Variants in MAML2 observed in about 807,000 individuals in gnomAD.
The protein encoded by MAML2 is mastermind-like protein 2.
A neutral mutation model predicts 96.1 loss-of-function variants in MAML2; 22 were observed. That is an observed-to-expected ratio of 0.23 (90% CI 0.16 to 0.33). MAML2 has a LOEUF of 0.33. Among genes scored for constraint, MAML2 ranks in the 10% least tolerant of loss-of-function variants. MAML2 has a pLI of 1.00. For missense variants in MAML2, 1,367 were observed against 1,392.4 expected, an observed-to-expected ratio of 0.98 and a Z score of 0.29; for synonymous variants, 561 against 521.3, an observed-to-expected ratio of 1.08 and a Z score of -1.04.
intron 1 of MAML2, among the ~76,000 whole-genome samples, chr11:96,162,215 C>A (rs1163065751): frequency 8.3e-6 from 1 of 120,864 alleles, no homozygotes; most frequent in Non-Finnish European, 1.7e-5. Flanking sequence ...ATGAACATAT[C>A]CAGTTCTTTA....
intron 2 of MAML2, among the ~76,000 whole-genome samples, chr11:96,056,825 T>G (rs569582070): frequency 6.6e-6 from 1 of 152,292 alleles, no homozygotes; most frequent in Non-Finnish European, 1.5e-5. Context: ...AAGCCCTACG[T>G]GTGGGAGGCA....
chr11:96,191,610 A>C (rs1861654487), intron 1 of MAML2, among the ~76,000 whole-genome samples: 1 of 151,944 alleles, frequency 6.6e-6, no homozygotes, highest in South Asian at 2.1e-4. Context: ...TCGTCTACTA[A>C]AAATATAAAA....
intron 1 of MAML2, among the ~76,000 whole-genome samples, chr11:96,135,308 A>G (rs1280276863): frequency 6.6e-6 from 1 of 152,198 alleles, no homozygotes; most frequent in East Asian, 1.9e-4. Flanking sequence ...CAAAACTGTG[A>G]GAAATAAATC....
At chr11:96,181,183 G>A (rs1392633974) in intron 1 of MAML2, among the ~76,000 whole-genome samples, 2 of 152,192 alleles carry the variant, frequency 1.3e-5, no homozygotes, top group African/African-American at 2.4e-5. Flanking sequence ...AGTCACAGGG[G>A]ATGTGATGGC....
chr11:96,159,622 C>T (rs1407828649), intron 1 of MAML2, among the ~76,000 whole-genome samples: 2 of 151,960 alleles, frequency 1.3e-5, no homozygotes, highest in East Asian at 3.9e-4. Context: ...GACGGCGTTT[C>T]ACCGTGTTAG....
intron 1 of MAML2, among the ~76,000 whole-genome samples, chr11:96,135,267 A>T (rs1860610296): frequency 6.6e-6 from 1 of 152,192 alleles, no homozygotes. Context: ...GGCACCTTAC[A>T]AGATGCCAGC....
chr11:96,256,389 A>G (rs548530784), intron 1 of MAML2, among the ~76,000 whole-genome samples: 2 of 152,218 alleles, frequency 1.3e-5, no homozygotes, highest in East Asian at 3.9e-4. Flanking sequence ...CTGATCTCGA[A>G]GTTCCTCAAA....
At chr11:96,327,609 G>A (rs1188354190) in intron 1 of MAML2, among the ~76,000 whole-genome samples, 1 of 151,204 alleles carries the variant, frequency 6.6e-6, no homozygotes, top group East Asian at 2.0e-4. Flanking sequence ...GTAGAGACGG[G>A]GTTTCACCAT....
At chr11:96,066,323 A>G (rs1232301968) in intron 2 of MAML2, among the ~76,000 whole-genome samples, 4 of 152,230 alleles carry the variant, frequency 2.6e-5, no homozygotes, top group South Asian at 2.1e-4. Flanking sequence ...CTGAGGGCAC[A>G]AGGCAGAGCC....
At chr11:96,171,006 G>A (rs572105711) in intron 1 of MAML2, among the ~76,000 whole-genome samples, 59 of 151,996 alleles carry the variant, frequency 3.9e-4, no homozygotes, top group African/African-American at 1.3e-3. Context: ...GTGAGCCAAC[G>A]TGCCTGGCCT....
chr11:96,115,391 G>C lies in MAML2; in HGVS notation c.514-21874C>G, dbSNP rs968294459. ...TTTGTAGGTTGCCCAGGCTGGTCGT[G>C]AACTCTTGGTCTCAAGCAAATCTCT... On this transcript the variant is annotated intron_variant, in intron 1 of 4. Transcript: ENST00000524717. Among the ~76,000 whole-genome samples the C allele has an allele frequency of 7.9e-5, 12 of 151,606 alleles. No homozygotes were observed. The South Asian group carries it at 1.0e-3, about 13-fold the overall frequency.
In MAML2 at chr11:95,977,899, C is replaced by T; in HGVS notation, c.*1049G>A. 2 of 224,820 alleles carry T rather than the reference C, an allele frequency of 8.9e-6. No homozygotes were observed. Among genetic ancestry groups the T allele is most frequent in the East Asian group, 1.3e-4 (2 of 15,548 alleles). The allele number at this position is 224,820 out of a possible 1,614,324, so 13.9% of individuals were successfully genotyped here. ...TCAAACTCCGTGAAATACATTTGTA[C>T]ACACTGGTACTTGCCATCCCTGGTT... is the stretch of plus-strand genomic sequence containing the variant. On this transcript the variant is annotated 3_prime_UTR_variant, in exon 5 of 5. Coordinates refer to ENST00000524717, the MANE Select transcript of MAML2 (RefSeq NM_032427.4).
At chr11:96,041,857 TG>T (rs1858816853) in intron 2 of MAML2, among the ~76,000 whole-genome samples, 1 of 152,132 alleles carries the variant, frequency 6.6e-6, no homozygotes, top group South Asian at 2.1e-4. Flanking sequence ...TTGCCCAGGC[TG>T]GAGTGCAATG....
intron 2 of MAML2, among the ~76,000 whole-genome samples, chr11:96,019,381 C>G (rs544074489): frequency 7.9e-5 from 12 of 152,028 alleles, no homozygotes; most frequent in Non-Finnish European, 2.9e-5. Flanking sequence ...AATATAATCT[C>G]TGTAGGGTTT....
intron 1 of MAML2, among the ~76,000 whole-genome samples, chr11:96,153,934 T>C (rs1860969081): frequency 1.2e-5 from 1 of 86,944 alleles, no homozygotes; most frequent in South Asian, 4.5e-4. Context: ...AATAAATAAA[T>C]AAATAAATAA....
chr11:96,270,463 C>T (rs1229045449), intron 1 of MAML2, among the ~76,000 whole-genome samples: 1 of 152,124 alleles, frequency 6.6e-6, no homozygotes, highest in Non-Finnish European at 1.5e-5. Context: ...ACGGGTGCCA[C>T]CACACCTGGT....
At chr11:96,158,796 G>T (rs1272574859) in intron 1 of MAML2, among the ~76,000 whole-genome samples, 1 of 152,130 alleles carries the variant, frequency 6.6e-6, no homozygotes, top group African/African-American at 2.4e-5. Flanking sequence ...TTGGTAAGAG[G>T]ATGTGGATAA....
Position 96,110,350 on chromosome 11 carries a change from C to A in MAML2, c.514-16833G>T, listed in dbSNP as rs558675888. On this transcript the variant is annotated intron_variant, in intron 1 of 4. Transcript: ENST00000524717. ...TACAATACTTGGTATTTTGTAGGTA[C>A]AAAGTTAAACATTCTAGAATGGAGG... Among the ~76,000 whole-genome samples the A allele has an allele frequency of 2.6e-4, 40 of 152,302 alleles. No homozygotes were observed. In the South Asian group the frequency reaches 8.1e-3, roughly 31 times the overall value.
At chr11:96,078,978 C>T (rs972201301) in intron 2 of MAML2, among the ~76,000 whole-genome samples, 7 of 152,178 alleles carry the variant, frequency 4.6e-5, no homozygotes, top group Admixed American at 2.0e-4. Context: ...ATTCCTTCTA[C>T]GTAGTGAATT....
Sources: allele counts gnomAD v4.1 joint callset (sites outside exome capture counted in the v4.1 genomes callset), GRCh38; gene constraint gnomAD v4.1.1; transcripts MANE v1.5; gene names NCBI Gene and HGNC (gene_info 2026-07-23, HGNC 2026-07-21).